The following SNX27 variants were observed in gnomAD, a reference collection of about 807,000 sequenced individuals.
SNX27 encodes sorting nexin-27.
In SNX27, 22 loss-of-function variants were observed where a neutral mutation model predicts 71.6. The observed-to-expected ratio is 0.31, with a 90% CI of 0.22 to 0.44. The LOEUF is 0.44. Ranked by LOEUF, SNX27 falls within the 20% of genes least tolerant of loss-of-function variation. The pLI is 1.00. For synonymous variants in SNX27, 269 were observed against 277.2 expected (o/e 0.97, Z 0.29); for missense variants, 531 against 698.6 (o/e 0.76, Z 2.70).
chr1:151,638,356 T>C (rs1242635053), intron 1 of SNX27, among the ~76,000 whole-genome samples: 1 of 152,194 alleles, frequency 6.6e-6, no homozygotes, highest in Non-Finnish European at 1.5e-5. Flanking sequence ...ATTTGAGATA[T>C]GGAGAGAAAT....
chr1:151,653,913 A>G (rs1001968141), intron 2 of SNX27, among the ~76,000 whole-genome samples: 4 of 149,942 alleles, frequency 2.7e-5, no homozygotes, highest in African/African-American at 7.4e-5. Context: ...GCTCACTGCA[A>G]CCTCCACCTC....
chr1:151,643,679 A>G (rs1032372577), intron 2 of SNX27, among the ~76,000 whole-genome samples: 2 of 151,306 alleles, frequency 1.3e-5, no homozygotes, highest in African/African-American at 4.9e-5. Context: ...TTTATTTTTT[A>G]GACAGAGTTT....
intron 1 of SNX27, among the ~76,000 whole-genome samples, chr1:151,625,709 G>A (rs185122421): frequency 1.4e-3 from 211 of 150,888 alleles, no homozygotes; most frequent in Admixed American, 2.9e-3. Flanking sequence ...CACTTGAACC[G>A]GGGCGGTGGA....
chr1:151,679,261 AG>A (rs1158529215), intron 7 of SNX27: 2 of 152,222 alleles, frequency 1.3e-5, no homozygotes, highest in East Asian at 3.8e-4. Context: ...ATTGATTGTA[AG>A]ATACATCCCA....
intron 7 of SNX27, among the ~76,000 whole-genome samples, chr1:151,673,202 T>C (rs888730269): frequency 6.6e-6 from 1 of 152,112 alleles, no homozygotes; most frequent in African/African-American, 2.4e-5. Context: ...TTAAATTTCC[T>C]TCTCAATTTC....
intron 2 of SNX27, among the ~76,000 whole-genome samples, chr1:151,646,123 GT>G (rs1669022957): frequency 6.6e-6 from 1 of 151,798 alleles, no homozygotes; most frequent in South Asian, 2.1e-4. Flanking sequence ...AATATTCTTT[GT>G]TCTGAAGTCT....
At chr1:151,676,817 T>G (rs1207065109) in intron 7 of SNX27, 8 of 152,124 alleles carry the variant, frequency 5.3e-5, no homozygotes, top group African/African-American at 1.9e-4. Context: ...AATGAATGGT[T>G]GGTCTAAGTT....
intron 8 of SNX27, among the ~76,000 whole-genome samples, chr1:151,684,785 A>G (rs1442185579): frequency 2.6e-5 from 4 of 152,164 alleles, no homozygotes; most frequent in Non-Finnish European, 5.9e-5. Flanking sequence ...ATCTAACACA[A>G]AGCCCAGTTT....
intron 2 of SNX27, among the ~76,000 whole-genome samples, chr1:151,640,018 C>T (rs777669261): frequency 4.6e-5 from 7 of 152,112 alleles, no homozygotes; most frequent in Non-Finnish European, 7.4e-5. Flanking sequence ...TGCATAGGAA[C>T]GAGCTACTAA....
chr1:151,678,997 T>G (rs1234106440), intron 7 of SNX27: 1 of 152,276 alleles, frequency 6.6e-6, no homozygotes, highest in East Asian at 1.9e-4. Flanking sequence ...AGTGCTGGGA[T>G]TACAGGCATG....
At chr1:151,643,931 A>G (rs2102644881) in intron 2 of SNX27, among the ~76,000 whole-genome samples, 1 of 152,326 alleles carries the variant, frequency 6.6e-6, no homozygotes, top group African/African-American at 2.4e-5. Context: ...AGGTGCTGAG[A>G]TTACAGGCTT....
chr1:151,676,018 G>A (rs1050588777), intron 7 of SNX27: 5 of 150,040 alleles, frequency 3.3e-5, no homozygotes, highest in Non-Finnish European at 7.4e-5. Flanking sequence ...AAAAAATAGA[G>A]ACAGGATCTT....
At position 151,698,294 on chromosome 1, in the gene SNX27, A is replaced by T. The variant is rs1459901992; in HGVS notation, c.*3877A>T. The T allele has an allele frequency of 6.6e-6, 1 of 152,592 alleles. No individual in the cohort carries two copies. Among genetic ancestry groups the T allele is most frequent in the African/African-American group, 2.4e-5 (1 of 41,424 alleles). The allele number at this position is 152,592 out of a possible 1,614,324, so 9.5% of individuals were successfully genotyped here. On this transcript the variant is annotated 3_prime_UTR_variant, in exon 12 of 12. Coordinates refer to ENST00000458013, the MANE Select transcript of SNX27 (RefSeq NM_001330723.2). ...CTCTCTCCTATCTCAGAATTTGCCA[A>T]CTTCTGGGCTGGGCTCCTAGGAGGT...
intron 1 of SNX27, among the ~76,000 whole-genome samples, chr1:151,620,375 T>C (rs1271643736): frequency 6.6e-6 from 1 of 152,186 alleles, no homozygotes; most frequent in Non-Finnish European, 1.5e-5. Context: ...GGAAAATCAC[T>C]ATTAGAATTA....
At chr1:151,664,069 A>G (rs1209988622) in intron 5 of SNX27, among the ~76,000 whole-genome samples, 1 of 148,772 alleles carries the variant, frequency 6.7e-6, no homozygotes, top group African/African-American at 2.4e-5. Flanking sequence ...TTCATTGCTG[A>G]TTTTCAGAGT....
rs1191625006 is a variant in SNX27, at chr1:151,695,989, G to A, written c.*1572G>A. On this transcript the variant is annotated 3_prime_UTR_variant, in exon 12 of 12. Coordinates refer to ENST00000458013, the MANE Select transcript of SNX27 (RefSeq NM_001330723.2). ...GGTCAGTGGTCTGTGCCAACCAAAC[G>A]ATAGCCCCATCCAAGCCAGCTGAGA... 1 of 152,248 alleles carries A rather than the reference G, an allele frequency of 6.6e-6. No individual in the cohort carries two copies. The highest frequency in any genetic ancestry group is 1.5e-5 in the Non-Finnish European group (1 of 68,112). 9.4% of individuals were successfully genotyped at this position (152,248 alleles called of 1,614,324 possible). A position where few individuals can be genotyped will look rare whatever the true frequency, so the allele number is the denominator to read the frequency against.
chr1:151,647,364 G>A (rs1267849515), intron 2 of SNX27, among the ~76,000 whole-genome samples: 3 of 150,200 alleles, frequency 2.0e-5, no homozygotes, highest in Admixed American at 6.7e-5. Context: ...TGGCCAGGCT[G>A]GTCTCGAACT....
At chr1:151,693,962 T>G (rs974394884) in intron 11 of SNX27, 1 of 1,265,064 alleles carries the variant, frequency 7.9e-7, no homozygotes, top group African/African-American at 1.5e-5. Flanking sequence ...TGGAAGATTC[T>G]GAATAATTAG....
chr1:151,657,076 A>G (rs1175697137), intron 2 of SNX27, among the ~76,000 whole-genome samples: 1 of 152,244 alleles, frequency 6.6e-6, no homozygotes, highest in African/African-American at 2.4e-5. Context: ...CGGAGACTAT[A>G]TGGTGTAAAG....
Sources: allele counts gnomAD v4.1 joint callset (sites outside exome capture counted in the v4.1 genomes callset), GRCh38; gene constraint gnomAD v4.1.1; transcripts MANE v1.5; gene names NCBI Gene and HGNC (gene_info 2026-07-23, HGNC 2026-07-21).